ZNF418: variants seen among roughly 807,000 people sequenced by gnomAD.
ZNF418 encodes zinc finger protein 418.
In ZNF418, 32 loss-of-function variants were observed where a neutral mutation model predicts 32.0. The ratio of observed to expected loss-of-function variants is 1.00; its 90% CI spans 0.75 to 1.34. The LOEUF (loss-of-function observed/expected upper bound fraction) is 1.34, where lower values mean the gene tolerates loss of function less well. ZNF418 is among the 40% of genes most tolerant of loss of function. ZNF418 has a pLI of 0.00. For synonymous variants in ZNF418, 276 were observed against 270.7 expected, an observed-to-expected ratio of 1.02 and a Z score of -0.19; for missense variants, 804 against 812.5, an observed-to-expected ratio of 0.99 and a Z score of 0.13.
chr19:57,924,752 G>C (rs966111659), intron 4 of ZNF418, among the ~76,000 whole-genome samples: 1 of 152,172 alleles, frequency 6.6e-6, no homozygotes, highest in Non-Finnish European at 1.5e-5. Flanking sequence ...CCTTGTAAAA[G>C]AGAGGAAATT....
chr19:57,934,903 T>C, intron 1 of ZNF418: 1 of 684,802 alleles, frequency 1.5e-6, no homozygotes, highest in Non-Finnish European at 2.1e-6. Flanking sequence ...CCTCACACGT[T>C]GTTCCCTACA....
At chr19:57,932,289 CT>C (rs2072518786) in intron 2 of ZNF418, 2 of 726,858 alleles carry the variant, frequency 2.8e-6, no homozygotes, top group Non-Finnish European at 4.7e-6. Flanking sequence ...GGGATTTGTG[CT>C]CAGGCCATTT....
chr19:57,928,057 A>C lies in ZNF418; in HGVS notation c.134-10T>G. 6.6e-7 allele frequency: 1 copy of C among 1,520,336 alleles called. No homozygotes were observed. Among genetic ancestry groups the C allele is most frequent in the Non-Finnish European group, 8.8e-7 (1 of 1,132,856 alleles). The allele number at this position is 1,520,336 out of a possible 1,614,324, so 94.2% of individuals were successfully genotyped here. On this transcript the variant is annotated splice_polypyrimidine_tract_variant and intron_variant, in intron 3 of 5. Transcript: ENST00000396147. ...GATCCACACCAACAACCTGAAAGCA[A>C]GAAAATGCTGATGAATTCAAGTTAA... is the stretch of plus-strand genomic sequence containing the variant.
chr19:57,933,729 A>T (rs2072574200), intron 2 of ZNF418, 88 bp downstream of exon 2: 1 of 1,562,210 alleles, frequency 6.4e-7, no homozygotes, highest in African/African-American at 1.4e-5. Context: ...TCAAAAAAAA[A>T]AGGAAAATCT....
rs186283094 is a variant in ZNF418, at chr19:57,931,559, C to G, written c.7-1005G>C. 2.6e-5 allele frequency among the ~76,000 whole-genome samples: 4 copies of G among 152,236 alleles called. No individual in the cohort carries two copies. In the East Asian group the frequency reaches 7.7e-4, roughly 29 times the overall value. ...TGTCACGGCCAGCCCAACATGACAT[C>G]CCCCAACCATCAGCTTCTTTTGAGC... On this transcript the variant is annotated intron_variant, in intron 2 of 5. Coordinates refer to ENST00000396147, the MANE Select transcript of ZNF418 (RefSeq NM_133460.3).
In ZNF418 at chr19:57,926,882, T is replaced by A. The variant is rs1427680910; in HGVS notation, c.1299A>T (p.Lys433Asn). The A allele has an allele frequency of 1.2e-6, 2 of 1,614,064 alleles. No individual in the cohort carries two copies. Among genetic ancestry groups the A allele is most frequent in the Admixed American group, 1.7e-5 (1 of 60,010 alleles). The change falls in exon 4 of 6, where the codon AAA becomes AAT. Residue 433 changes from lysine (K) to asparagine (N), a missense_variant. This residue lies in a region of ZNF418 where 475 missense variants were observed against 458.6 expected (regional missense o/e 1.04). Coordinates refer to ENST00000396147, the MANE Select transcript of ZNF418 (RefSeq NM_133460.3). ...ERPYECGECGKSFSRKGNLIQ... is the reference protein window; with the variant it reads ...ERPYECGECGNSFSRKGNLIQ... ...TGAGGTTGCCCTTTCGACTAAAAGA[T>A]TTCCCACATTCTCCACACTCGTAAG... is the stretch of plus-strand genomic sequence containing the variant.
At position 57,927,137 on chromosome 19, in the gene ZNF418, C is replaced by T. The variant is rs764234711; in HGVS notation, c.1044G>A (p.Gly348=). The change falls in exon 4 of 6, where the codon GGG becomes GGA. Residue 348 remains glycine (G), a synonymous_variant. Transcript: ENST00000396147. ...GERPYECEEC[G]KCFTQKGNLI... is the part of the protein sequence containing the mutation. ...GATTGCCCTTCTGAGTAAAACATTT[C>T]CCACATTCTTCACACTCATAAGGTC... 10 of 1,614,048 alleles carry T rather than the reference C, an allele frequency of 6.2e-6. No homozygotes were observed. The Admixed American group carries it at 1.0e-4, about 16-fold the overall frequency.
At chr19:57,930,618 C>T in intron 2 of ZNF418, 64 bp from the exon 3 acceptor site, 1 of 1,603,866 alleles carries the variant, frequency 6.2e-7, no homozygotes, top group Middle Eastern at 1.7e-4. Context: ...CAATCCACCT[C>T]TCCCACACCC....
chr19:57,933,855 C>G lies in ZNF418; in HGVS notation c.-33G>C, dbSNP rs373501702. ...GGAGTTTAAACTCTGATCCTCCTTC[C>G]TCCTCCCTCAAACACAGTGTGTTCT... On this transcript the variant is annotated 5_prime_UTR_variant, in exon 2 of 6. Transcript: ENST00000396147. The G allele has an allele frequency of 6.2e-7, 1 of 1,614,136 alleles. No individual in the cohort carries two copies. The highest frequency in any genetic ancestry group is 1.1e-5 in the South Asian group (1 of 91,080).
rs2072244117 is a variant in ZNF418, at chr19:57,926,708, A to C, written c.1473T>G (p.Phe491Leu). The C allele has an allele frequency of 6.2e-7, 1 of 1,614,004 alleles. No individual in the cohort carries two copies. The highest frequency in any genetic ancestry group is 8.5e-7 in the Non-Finnish European group (1 of 1,180,036). ...PYECNECGKS[F>L]QDSSGFRVHQ... Reference sequence around the variant, plus strand: ...GAACACGAAACCCAGAGCTGTCTTGAAATGATTTCCCACATTCATTACATT... The same window carrying C: ...GAACACGAAACCCAGAGCTGTCTTGCAATGATTTCCCACATTCATTACATT... Residue 491 changes from phenylalanine to leucine, a missense_variant, in exon 4 of 6, where the codon TTT becomes TTG. Phe to Leu is a conservative substitution (Grantham distance 22, BLOSUM62 0). Transcript: ENST00000396147.
intron 1 of ZNF418, 118 bp downstream of exon 1, chr19:57,935,043 C>T: frequency 7.2e-7 from 1 of 1,380,286 alleles, no homozygotes; most frequent in Admixed American, 2.4e-5. Context: ...CTCCCGCGAA[C>T]GCCTCAGTGT....
At position 57,933,839 on chromosome 19, in the gene ZNF418, ACT is replaced by A. The variant is rs1218976035; in HGVS notation, c.-19_-18del. The A allele has an allele frequency of 6.2e-7, 1 of 1,613,874 alleles. No individual in the cohort carries two copies. The highest frequency in any genetic ancestry group is 1.3e-5 in the African/African-American group (1 of 74,850). On this transcript the variant is annotated 5_prime_UTR_variant, in exon 2 of 6. An upstream open reading frame in the 5' UTR gains an earlier in-frame stop. Coordinates refer to ENST00000396147, the MANE Select transcript of ZNF418 (RefSeq NM_133460.3). Reference sequence around the variant, plus strand: ...CACCTGCATTATGGCAGGAGTTTAAACTCTGATCCTCCTTCCTCCTCCCTCAA... The same window carrying A: ...CACCTGCATTATGGCAGGAGTTTAAACTGATCCTCCTTCCTCCTCCCTCAA...
At chr19:57,930,621 C>A in intron 2 of ZNF418, 67 bp from the exon 3 acceptor site, 2 of 1,601,128 alleles carry the variant, frequency 1.2e-6, no homozygotes, top group Admixed American at 3.4e-5. Context: ...TCCACCTCTC[C>A]CACACCCCCA....
chr19:57,935,289 G>A lies in ZNF418; in HGVS notation c.-209C>T. On this transcript the variant is annotated 5_prime_UTR_variant, in exon 1 of 6. Transcript: ENST00000396147. ...CAGCAAGAAGGACTCTTCACCTTCTGGGTTCAGACACCGCGGTTCGGACCC... is the reference window on the plus strand; with the variant it reads ...CAGCAAGAAGGACTCTTCACCTTCTAGGTTCAGACACCGCGGTTCGGACCC... 1 of 1,047,118 alleles carries A rather than the reference G, an allele frequency of 9.6e-7. No homozygotes were observed. The highest frequency in any genetic ancestry group is 1.7e-5 in the African/African-American group (1 of 58,962). The allele number at this position is 1,047,118 out of a possible 1,614,324, so 64.9% of individuals were successfully genotyped here. A position where few individuals can be genotyped will look rare whatever the true frequency, so the allele number is the denominator to read the frequency against.
chr19:57,933,834 T>A lies in ZNF418; in HGVS notation c.-12A>T. The A allele has an allele frequency of 6.2e-7, 1 of 1,613,504 alleles. No individual in the cohort carries two copies. ...ACCCTCACCTGCATTATGGCAGGAG[T>A]TTAAACTCTGATCCTCCTTCCTCCT... is the stretch of plus-strand genomic sequence containing the variant. On this transcript the variant is annotated 5_prime_UTR_variant, in exon 2 of 6. Coordinates refer to ENST00000396147, the MANE Select transcript of ZNF418 (RefSeq NM_133460.3).
intron 2 of ZNF418, among the ~76,000 whole-genome samples, chr19:57,931,453 C>G (rs900211326): frequency 1.3e-5 from 2 of 152,202 alleles, no homozygotes; most frequent in African/African-American, 4.8e-5. Flanking sequence ...CCACCCACCT[C>G]GGCCTCCCAT....
At position 57,927,510 on chromosome 19, in the gene ZNF418, A is replaced by AGT. The variant is rs1415692180; in HGVS notation, c.669_670dup (p.Leu224HisfsTer163). 1 of 1,614,126 alleles carries AGT rather than the reference A, an allele frequency of 6.2e-7. No individual in the cohort carries two copies. The highest frequency in any genetic ancestry group is 8.5e-7 in the Non-Finnish European group (1 of 1,180,054). On this transcript the variant is annotated frameshift_variant, in exon 4 of 6. Transcript: ENST00000396147. LOFTEE classifies it high-confidence loss of function. Reference sequence around the variant, plus strand: ...GCAATAACATTCCTCTCTAGAGGGAAGTCTCTGCTGTTGAACAAATACGTG... The same window carrying AGT: ...GCAATAACATTCCTCTCTAGAGGGAAGTGTCTCTGCTGTTGAACAAATACGTG...
At chr19:57,932,546 AT>A (rs1006631044) in intron 2 of ZNF418, 6 of 1,534,984 alleles carry the variant, frequency 3.9e-6, no homozygotes, top group African/African-American at 1.4e-5. Flanking sequence ...CCATGGCCCT[AT>A]TCCACTTCTG....
At chr19:57,928,581 C>T (rs902935208) in intron 3 of ZNF418, among the ~76,000 whole-genome samples, 2 of 152,090 alleles carry the variant, frequency 1.3e-5, no homozygotes. Flanking sequence ...CTTTCCTTTG[C>T]AAACCACTTG....
Sources: allele counts gnomAD v4.1 joint callset (sites outside exome capture counted in the v4.1 genomes callset), GRCh38; gene constraint gnomAD v4.1.1; regional missense constraint gnomAD v4.1.1; transcripts MANE v1.5; gene names NCBI Gene and HGNC (gene_info 2026-07-23, HGNC 2026-07-21).